Variants in RIMS2 observed in about 807,000 individuals in gnomAD.
RIMS2 encodes regulating synaptic membrane exocytosis protein 2.
In RIMS2, 59 loss-of-function variants were observed where a neutral mutation model predicts 174.4. The observed-to-expected ratio is 0.34, with a 90% CI of 0.27 to 0.42. RIMS2 has a LOEUF of 0.42. RIMS2 is among the 10% of genes least tolerant of loss of function. RIMS2 has a pLI of 1.00. For missense variants in RIMS2, 1,620 were observed against 1,666.3 expected, an observed-to-expected ratio of 0.97 and a Z score of 0.48; for synonymous variants, 606 against 572.5, an observed-to-expected ratio of 1.06 and a Z score of -0.84.
intron 4 of RIMS2, among the ~76,000 whole-genome samples, chr8:103,888,698 T>G (rs1281306309): frequency 1.3e-5 from 2 of 151,616 alleles, no homozygotes; most frequent in Non-Finnish European, 3.0e-5. Flanking sequence ...TATAAAAGTC[T>G]CATATAAGTA....
chr8:103,916,998 A>G (rs1198821158), intron 8 of RIMS2, among the ~76,000 whole-genome samples: 5 of 152,248 alleles, frequency 3.3e-5, no homozygotes, highest in African/African-American at 1.2e-4. Flanking sequence ...ATAAGCAAAC[A>G]CCAAAGTACT....
At chr8:104,080,091 G>A (rs890098915) in intron 19 of RIMS2, among the ~76,000 whole-genome samples, 3 of 152,058 alleles carry the variant, frequency 2.0e-5, no homozygotes, top group African/African-American at 7.2e-5. Context: ...ATAGTGGAAA[G>A]AATACTGAGA....
intron 1 of RIMS2, among the ~76,000 whole-genome samples, chr8:103,681,279 T>C (rs1472106945): frequency 6.6e-6 from 1 of 152,066 alleles, no homozygotes; most frequent in Non-Finnish European, 1.5e-5. Context: ...TATTTACCTG[T>C]TACATAGTAA....
intron 1 of RIMS2, among the ~76,000 whole-genome samples, chr8:103,583,452 A>G (rs922810324): frequency 1.3e-5 from 2 of 152,232 alleles, no homozygotes; most frequent in Non-Finnish European, 2.9e-5. Flanking sequence ...ATAAGGCATC[A>G]GGGATCAATC....
At chr8:104,123,194 T>C (rs926117294) in intron 19 of RIMS2, among the ~76,000 whole-genome samples, 1 of 152,086 alleles carries the variant, frequency 6.6e-6, no homozygotes, top group African/African-American at 2.4e-5. Context: ...TTATAAAATA[T>C]GGTATAATGC....
chr8:103,927,021 A>C (rs2078907473), intron 10 of RIMS2, among the ~76,000 whole-genome samples: 1 of 151,516 alleles, frequency 6.6e-6, no homozygotes, highest in Non-Finnish European at 1.5e-5. Flanking sequence ...CCTCATCTAC[A>C]AATTGTAAGT....
At chr8:103,573,734 A>G (rs1254694979) in intron 1 of RIMS2, among the ~76,000 whole-genome samples, 1 of 152,010 alleles carries the variant, frequency 6.6e-6, no homozygotes, top group Non-Finnish European at 1.5e-5. Context: ...AATTTTTTTA[A>G]TTCTGTGAAA....
chr8:104,194,134 G>T (rs1340589425), intron 19 of RIMS2, among the ~76,000 whole-genome samples: 3 of 152,044 alleles, frequency 2.0e-5, no homozygotes, highest in East Asian at 1.9e-4. Context: ...AGTATTAGGA[G>T]AATTTTTTTC....
intron 19 of RIMS2, among the ~76,000 whole-genome samples, chr8:104,181,338 A>T (rs2098938209): frequency 1.3e-5 from 2 of 151,616 alleles, no homozygotes; most frequent in Admixed American, 1.3e-4. Context: ...AGGTAAAAAA[A>T]ATTATGATTA....
At chr8:103,764,768 G>A (rs1301016856) in intron 2 of RIMS2, among the ~76,000 whole-genome samples, 1 of 151,878 alleles carries the variant, frequency 6.6e-6, no homozygotes, top group Non-Finnish European at 1.5e-5. Context: ...ATTTCCCCCA[G>A]AAGAATTTTA....
Position 103,663,883 on chromosome 8 carries a change from A to G in RIMS2, c.177-33203A>G, listed in dbSNP as rs183336744. ...GCATCACACTACCTGACTTCAAAGT[A>G]TACTACAAGGCTACAGTAACCAAAA... On this transcript the variant is annotated intron_variant, in intron 1 of 23. Coordinates refer to ENST00000504942, the Ensembl canonical transcript of RIMS2. Among the ~76,000 whole-genome samples, 15 of 152,368 alleles carry G rather than the reference A, an allele frequency of 9.8e-5. No homozygotes were observed. The East Asian group carries it at 2.9e-3, about 29-fold the overall frequency.
chr8:103,782,966 C>G (rs1034701611), intron 3 of RIMS2, among the ~76,000 whole-genome samples: 3 of 152,172 alleles, frequency 2.0e-5, no homozygotes, highest in Non-Finnish European at 4.4e-5. Flanking sequence ...TAAAAACATA[C>G]TTTTTAAATT....
chr8:103,593,357 A>C (rs1162682344), intron 1 of RIMS2, among the ~76,000 whole-genome samples: 1 of 151,558 alleles, frequency 6.6e-6, no homozygotes, highest in African/African-American at 2.4e-5. Flanking sequence ...CATGGGTAAA[A>C]GACCTATTCA....
chr8:104,016,245 TA>T (rs1171080855), intron 19 of RIMS2, among the ~76,000 whole-genome samples: 2 of 152,020 alleles, frequency 1.3e-5, no homozygotes, highest in African/African-American at 4.8e-5. Context: ...AATATTTATT[TA>T]AAAAGGGAAA....
At chr8:103,744,194 C>A (rs1308242200) in intron 2 of RIMS2, among the ~76,000 whole-genome samples, 1 of 151,906 alleles carries the variant, frequency 6.6e-6, no homozygotes, top group Admixed American at 6.6e-5. Flanking sequence ...TACAGGCATG[C>A]GCCACCACGC....
intron 3 of RIMS2, among the ~76,000 whole-genome samples, chr8:103,785,882 T>C (rs2098438798): frequency 6.6e-6 from 1 of 152,238 alleles, no homozygotes; most frequent in South Asian, 2.1e-4. Flanking sequence ...AGAATTCGGC[T>C]GTGAATCCAT....
At chr8:103,610,805 T>G (rs780549461) in intron 1 of RIMS2, among the ~76,000 whole-genome samples, 1 of 152,194 alleles carries the variant, frequency 6.6e-6, no homozygotes, top group Non-Finnish European at 1.5e-5. Context: ...GTCATGTGTC[T>G]GCCATGTTTT....
intron 3 of RIMS2, among the ~76,000 whole-genome samples, chr8:103,876,909 T>TATATATATATAAACAC (rs71297243): frequency 1.5e-5 from 1 of 66,112 alleles, no homozygotes; most frequent in Non-Finnish European, 3.6e-5. Flanking sequence ...TATATATATA[T>TATATATATATAAACAC]ACACACACAC....
chr8:104,114,187 T>C (rs2098243061), intron 19 of RIMS2, among the ~76,000 whole-genome samples: 1 of 152,062 alleles, frequency 6.6e-6, no homozygotes, highest in African/African-American at 2.4e-5. Context: ...TATTTTAAAA[T>C]TATTATTTAC....
Sources: allele counts gnomAD v4.1 joint callset (sites outside exome capture counted in the v4.1 genomes callset), GRCh38; gene constraint gnomAD v4.1.1; transcripts MANE v1.5; gene names NCBI Gene and HGNC (gene_info 2026-07-23, HGNC 2026-07-21).